Variants in KCNMA1 observed in about 807,000 individuals in gnomAD.
KCNMA1 encodes potassium calcium-activated channel subfamily M alpha 1.
Under a neutral mutation model 140.0 loss-of-function variants are expected in KCNMA1, and 29 were observed. The observed-to-expected ratio is 0.21, with a 90% confidence interval of 0.15 to 0.28. The LOEUF (loss-of-function observed/expected upper bound fraction) is 0.28. Ranked by LOEUF, KCNMA1 falls within the 10% of genes least tolerant of loss-of-function variation. KCNMA1 has a pLI of 1.00. For missense variants in KCNMA1, 880 were observed against 1,602.2 expected, an observed-to-expected ratio of 0.55 and a Z score of 7.70; for synonymous variants, 612 against 611.9, an observed-to-expected ratio of 1.00 and a Z score of 0.00.
intron 23 of KCNMA1, among the ~76,000 whole-genome samples, chr10:76,932,566 C>T (rs1481419977): frequency 6.6e-6 from 1 of 152,068 alleles, no homozygotes; most frequent in Non-Finnish European, 1.5e-5. Flanking sequence ...GCCATTATGT[C>T]TTTGTATTCA....
intron 12 of KCNMA1, among the ~76,000 whole-genome samples, chr10:77,080,993 C>T (rs1331984371): frequency 6.6e-6 from 1 of 152,098 alleles, no homozygotes; most frequent in South Asian, 2.1e-4. Flanking sequence ...AAATAAGTGC[C>T]AAGGCATTGC....
chr10:77,051,774 A>T (rs1161511595), intron 14 of KCNMA1, among the ~76,000 whole-genome samples: 1 of 152,140 alleles, frequency 6.6e-6, no homozygotes, highest in African/African-American at 2.4e-5. Context: ...AACCTCTCCA[A>T]GCCTTAATTC....
intron 2 of KCNMA1, among the ~76,000 whole-genome samples, chr10:77,373,497 A>G: frequency 6.6e-6 from 1 of 152,234 alleles, no homozygotes; most frequent in East Asian, 1.9e-4. Flanking sequence ...TAACAACAAT[A>G]ATGGGACAGT....
intron 23 of KCNMA1, chr10:76,939,110 CTTTTTTTTTTTTTTT>C (rs71028244): frequency 3.0e-5 from 2 of 66,702 alleles, no homozygotes; most frequent in Non-Finnish European, 5.5e-5. Flanking sequence ...GCCACCTCTT[CTTTTTTTTTTTTTTT>C]TTTTTTTTTT....
At chr10:77,086,638 G>C (rs1335913583) in intron 10 of KCNMA1, 45 bp from the exon 11 acceptor site, 4 of 1,413,814 alleles carry the variant, frequency 2.8e-6, no homozygotes, top group Non-Finnish European at 4.0e-6. Context: ...ATGGACTCGG[G>C]GGTTTCAGCC....
intron 2 of KCNMA1, among the ~76,000 whole-genome samples, chr10:77,335,868 A>T (rs1305503825): frequency 6.6e-6 from 1 of 152,154 alleles, no homozygotes; most frequent in Non-Finnish European, 1.5e-5. Flanking sequence ...GTCTGACTCC[A>T]AGACCCATGC....
intron 2 of KCNMA1, among the ~76,000 whole-genome samples, chr10:77,392,214 G>C (rs2095858870): frequency 8.8e-6 from 1 of 114,088 alleles, no homozygotes; most frequent in South Asian, 4.0e-4. Flanking sequence ...GGGGAGGAAG[G>C]AAGGAAGGGA....
chr10:77,079,403 T>TGTGA (rs1555210688), intron 13 of KCNMA1, 78 bp downstream of exon 13: 1 of 799,396 alleles, frequency 1.3e-6, no homozygotes, highest in African/African-American at 1.7e-5. Context: ...TGTGTGTGTG[T>TGTGA]GAGCCTGTAT....
At chr10:77,221,177 T>A (rs2049526550) in intron 3 of KCNMA1, among the ~76,000 whole-genome samples, 1 of 152,186 alleles carries the variant, frequency 6.6e-6, no homozygotes, top group South Asian at 2.1e-4. Flanking sequence ...TCCATCCAGT[T>A]CCTCTTCCCC....
chr10:77,044,855 C>G (rs1016637122), intron 14 of KCNMA1, among the ~76,000 whole-genome samples: 5 of 152,114 alleles, frequency 3.3e-5, no homozygotes, highest in African/African-American at 1.2e-4. Flanking sequence ...CTCTTAACCA[C>G]CCACCACAAA....
intron 1 of KCNMA1, among the ~76,000 whole-genome samples, chr10:77,424,490 A>G (rs1335880343): frequency 1.4e-5 from 2 of 146,986 alleles, no homozygotes; most frequent in Non-Finnish European, 3.0e-5. Flanking sequence ...GCCTGGGGCT[A>G]GGAATGAAGA....
intron 22 of KCNMA1, chr10:76,948,825 C>T (rs2065199742): frequency 2.4e-6 from 1 of 419,384 alleles, no homozygotes; most frequent in South Asian, 2.4e-5. Flanking sequence ...TTACTATAAA[C>T]ATCATAATAT....
chr10:77,409,254 T>C (rs1024857337), intron 1 of KCNMA1, among the ~76,000 whole-genome samples: 5 of 152,152 alleles, frequency 3.3e-5, no homozygotes, highest in African/African-American at 9.7e-5. Context: ...TCCCGCTGAA[T>C]CACAAGATCA....
intron 5 of KCNMA1, among the ~76,000 whole-genome samples, chr10:77,171,400 C>CGTGTGTGTGTGTGTGTGTGT (rs60927086): frequency 7.8e-6 from 1 of 128,932 alleles, no homozygotes; most frequent in Non-Finnish European, 1.8e-5. Flanking sequence ...TGTGTGTGTG[C>CGTGTGTGTGTGTGTGTGTGT]GTGTGTGTGT....
intron 2 of KCNMA1, among the ~76,000 whole-genome samples, chr10:77,333,527 G>T (rs1162574813): frequency 6.6e-6 from 1 of 152,200 alleles, no homozygotes; most frequent in African/African-American, 2.4e-5. Flanking sequence ...CGAGTCGCAT[G>T]CTTATAATTC....
chr10:77,395,466 T>C (rs530441968), intron 2 of KCNMA1, among the ~76,000 whole-genome samples: 4 of 152,362 alleles, frequency 2.6e-5, no homozygotes, highest in African/African-American at 9.6e-5. Context: ...TAATTAAATG[T>C]TTCCCAAAGT....
intron 19 of KCNMA1, among the ~76,000 whole-genome samples, chr10:76,988,911 G>C (rs190554756): frequency 1.3e-5 from 2 of 152,226 alleles, no homozygotes; most frequent in African/African-American, 4.8e-5. Flanking sequence ...TGGTGTCCCC[G>C]TTTGGCCCTA....
At chr10:77,562,135 T>A (rs1197790632) in intron 1 of KCNMA1, among the ~76,000 whole-genome samples, 1 of 152,194 alleles carries the variant, frequency 6.6e-6, no homozygotes, top group African/African-American at 2.4e-5. Flanking sequence ...CTTCCCTATC[T>A]GTGCTGATTA....
chr10:77,545,517 T>G (rs1174059046), intron 1 of KCNMA1, among the ~76,000 whole-genome samples: 1 of 152,120 alleles, frequency 6.6e-6, no homozygotes, highest in Non-Finnish European at 1.5e-5. Context: ...AACCTGATTT[T>G]CACATGCAGA....
Sources: gnomAD v4.1 joint callset for allele counts (sites outside exome capture counted in the v4.1 genomes callset) on GRCh38, gnomAD v4.1.1 for gene constraint, MANE v1.5 for transcripts, NCBI Gene and HGNC (gene_info 2026-07-23, HGNC 2026-07-21) for gene names.